HMBOX1: variants seen among roughly 807,000 people sequenced by gnomAD.
HMBOX1 encodes homeobox containing 1, also known as homeobox-containing protein 1.
HMBOX1 carries 14 observed loss-of-function variants against 54.5 expected under a neutral mutation model. The ratio of observed to expected loss-of-function variants is 0.26; its 90% CI spans 0.17 to 0.40. The LOEUF is 0.40. Among genes scored for constraint, HMBOX1 ranks in the 10% least tolerant of loss-of-function variants. The probability of loss-of-function intolerance (pLI) is 1.00; values close to 1 mark genes in which losing one functional copy is unlikely to be tolerated. For synonymous variants in HMBOX1, 160 were observed against 181.0 expected, an observed-to-expected ratio of 0.88 and a Z score of 0.93; for missense variants, 332 against 514.4, an observed-to-expected ratio of 0.65 and a Z score of 3.43.
chr8:28,927,996 G>A (rs1157189765), intron 1 of HMBOX1, among the ~76,000 whole-genome samples: 7 of 151,818 alleles, frequency 4.6e-5, no homozygotes, highest in South Asian at 4.2e-4. Flanking sequence ...TTAGCTGGGC[G>A]TGGTGGCGTG....
chr8:28,897,404 TG>T (rs1327117742), intron 1 of HMBOX1, among the ~76,000 whole-genome samples: 6 of 152,004 alleles, frequency 3.9e-5, no homozygotes, highest in African/African-American at 1.5e-4. Context: ...AGGCTGGGCG[TG>T]GTGGCTCATG....
In HMBOX1 at chr8:28,970,719, C is replaced by G. The variant is rs909164876; in HGVS notation, c.500+200C>G. The G allele has an allele frequency of 1.7e-5, 8 of 480,656 alleles. No individual in the cohort carries two copies. The highest frequency in any genetic ancestry group is 1.1e-4 in the Admixed American group (3 of 26,274). 29.8% of individuals were successfully genotyped at this position (480,656 alleles called of 1,614,324 possible). The stretch of plus-strand genomic sequence containing the variant: ...ATGTTTTTAATTTAAATTTTCTCTT[C>G]TTTACTTCAGCCCTTTCTCTTTGCT... On this transcript the variant is annotated intron_variant, in intron 3 of 9. Coordinates refer to ENST00000287701, the MANE Select transcript of HMBOX1 (RefSeq NM_001135726.3). This position sits in a 1 kb window ranked among gnomAD's most constrained non-coding sequence, Gnocchi z 4.3.
At chr8:28,973,155 C>G (rs1298329062) in intron 3 of HMBOX1, among the ~76,000 whole-genome samples, 1 of 152,088 alleles carries the variant, frequency 6.6e-6, no homozygotes, top group Non-Finnish European at 1.5e-5. Context: ...AATAACAATC[C>G]TTGGATCAGT....
chr8:29,050,282 C>T (rs1586704292), intron 9 of HMBOX1: 1 of 922,126 alleles, frequency 1.1e-6, no homozygotes, highest in Non-Finnish European at 1.3e-6. Context: ...ATTTGTAACA[C>T]CATCTTCAGT....
At chr8:29,030,453 A>G (rs545898099) in intron 6 of HMBOX1, among the ~76,000 whole-genome samples, 2 of 152,286 alleles carry the variant, frequency 1.3e-5, no homozygotes, top group South Asian at 4.1e-4. Flanking sequence ...TCCCAACCTC[A>G]GGTGATCCGC....
rs1383949523 is a variant in HMBOX1, at chr8:28,898,724, A to G, written c.-58+8046A>G. On this transcript the variant is annotated intron_variant, in intron 1 of 9. Coordinates refer to ENST00000287701, the MANE Select transcript of HMBOX1 (RefSeq NM_001135726.3). ...GACTGGTAAGTGGATTTGATTTGCCATGGTGTTGACTTGAACTGTTCTTTC... is the reference window on the plus strand; with the variant it reads ...GACTGGTAAGTGGATTTGATTTGCCGTGGTGTTGACTTGAACTGTTCTTTC... 5.9e-5 allele frequency among the ~76,000 whole-genome samples: 9 copies of G among 152,068 alleles called. No individual in the cohort carries two copies. In the East Asian group the frequency reaches 1.7e-3, roughly 29 times the overall value.
intron 1 of HMBOX1, among the ~76,000 whole-genome samples, chr8:28,943,916 A>G (rs1396938295): frequency 6.6e-6 from 1 of 152,186 alleles, no homozygotes; most frequent in Non-Finnish European, 1.5e-5. Flanking sequence ...GCAGCCTCCC[A>G]ACTTTTAAAT....
rs900979915 is a variant in HMBOX1, at chr8:29,010,164, C to G, written c.697+982C>G. On this transcript the variant is annotated intron_variant, in intron 5 of 9. Transcript: ENST00000287701. ...CAACCTCTACAATAATATTAAAAATCTATTCTGACTCCCAGTTTTTATTTT... is the reference window on the plus strand; with the variant it reads ...CAACCTCTACAATAATATTAAAAATGTATTCTGACTCCCAGTTTTTATTTT... 7 of 972,572 alleles carry G rather than the reference C, an allele frequency of 7.2e-6. No individual in the cohort carries two copies. In the African/African-American group the frequency reaches 1.2e-4, roughly 17 times the overall value. The allele number at this position is 972,572 out of a possible 1,614,324, so 60.2% of individuals were successfully genotyped here.
chr8:28,980,211 T>G (rs1829111218), intron 4 of HMBOX1, 55 bp downstream of exon 4: 11 of 1,270,230 alleles, frequency 8.7e-6, no homozygotes, highest in Non-Finnish European at 1.3e-5. Flanking sequence ...TGCCTTCTGG[T>G]GCAGATGTTG....
At chr8:28,983,083 C>T (rs535097731) in intron 4 of HMBOX1, among the ~76,000 whole-genome samples, 10 of 152,314 alleles carry the variant, frequency 6.6e-5, no homozygotes, top group African/African-American at 7.2e-5. Flanking sequence ...TATTGTACCA[C>T]GTGGACCTTT....
At chr8:28,997,109 T>C (rs1377128106) in intron 4 of HMBOX1, among the ~76,000 whole-genome samples, 2 of 152,174 alleles carry the variant, frequency 1.3e-5, no homozygotes, top group African/African-American at 4.8e-5. Context: ...TCTTTCTTTA[T>C]CTTGCCTTCT....
chr8:28,937,776 T>C (rs532621791), intron 1 of HMBOX1, among the ~76,000 whole-genome samples: 5 of 152,336 alleles, frequency 3.3e-5, no homozygotes, highest in East Asian at 1.9e-4. Flanking sequence ...TTCTTGAAGG[T>C]AATTTATGGG....
chr8:29,037,184 T>C (rs962453501), intron 6 of HMBOX1, among the ~76,000 whole-genome samples: 1 of 152,220 alleles, frequency 6.6e-6, no homozygotes, highest in Admixed American at 6.5e-5. Context: ...CCATTATTTA[T>C]TTTATTAAGT....
At chr8:29,005,053 G>A (rs1045408156) in intron 4 of HMBOX1, among the ~76,000 whole-genome samples, 12 of 152,018 alleles carry the variant, frequency 7.9e-5, no homozygotes, top group Non-Finnish European at 1.8e-4. Flanking sequence ...TAAATTTAGA[G>A]GGAAGAAATT....
Position 29,047,466 on chromosome 8 carries a change from T to C in HMBOX1, c.1030+13T>C. On this transcript the variant is annotated intron_variant, in intron 8 of 9. Transcript: ENST00000287701. ...AGAGCCAATATTGGTAATGTATCAG[T>C]GAGGCTGCTTTTCTCTTGTGCAGCA... is the stretch of plus-strand genomic sequence containing the variant. The C allele has an allele frequency of 7.3e-7, 1 of 1,375,830 alleles. No homozygotes were observed. The allele number at this position is 1,375,830 out of a possible 1,614,324, so 85.2% of individuals were successfully genotyped here.
chr8:28,921,962 G>C (rs1181601829), intron 1 of HMBOX1, among the ~76,000 whole-genome samples: 1 of 152,160 alleles, frequency 6.6e-6, no homozygotes, highest in Non-Finnish European at 1.5e-5. Flanking sequence ...GTAATACTTA[G>C]AAGAGGAGTA....
chr8:29,015,751 G>C (rs1834903758), intron 5 of HMBOX1, among the ~76,000 whole-genome samples: 1 of 152,144 alleles, frequency 6.6e-6, no homozygotes, highest in Non-Finnish European at 1.5e-5. Flanking sequence ...ACCAGGGGTT[G>C]GCAAACTTCA....
At chr8:29,009,651 G>C in intron 5 of HMBOX1, 1 of 1,255,300 alleles carries the variant, frequency 8.0e-7, no homozygotes, top group Non-Finnish European at 1.0e-6. Context: ...TAATTCTAAT[G>C]ACCTGGGTAA....
chr8:28,999,912 T>G (rs1214049113), intron 4 of HMBOX1, among the ~76,000 whole-genome samples: 1 of 152,182 alleles, frequency 6.6e-6, no homozygotes, highest in Non-Finnish European at 1.5e-5. Flanking sequence ...TATTGACTGC[T>G]TCTACTGTGT....
Sources: allele counts gnomAD v4.1 joint callset (sites outside exome capture counted in the v4.1 genomes callset), GRCh38; gene constraint gnomAD v4.1.1; non-coding constraint Gnocchi (gnomAD v3.1); transcripts MANE v1.5; gene names NCBI Gene and HGNC (gene_info 2026-07-23, HGNC 2026-07-21).